NEDD4: variants seen among roughly 807,000 people sequenced by gnomAD.
The protein encoded by NEDD4 is NEDD4 E3 ubiquitin protein ligase.
Under a neutral mutation model 144.9 loss-of-function variants are expected in NEDD4, and 99 were observed. The observed-to-expected ratio is 0.68, with a 90% confidence interval of 0.58 to 0.81. The LOEUF is 0.81. Among genes scored for constraint, NEDD4 ranks in the 30% least tolerant of loss-of-function variants. NEDD4 has a pLI of 0.00. For synonymous variants in NEDD4, 318 were observed against 350.6 expected, an observed-to-expected ratio of 0.91 and a Z score of 1.04; for missense variants, 985 against 1,065.9, an observed-to-expected ratio of 0.92 and a Z score of 1.06.
At chr15:55,919,220 T>C (rs1375643848) in intron 5 of NEDD4, among the ~76,000 whole-genome samples, 2 of 152,136 alleles carry the variant, frequency 1.3e-5, no homozygotes, top group Admixed American at 6.6e-5. Flanking sequence ...AGACACCAGA[T>C]AGAAGTCTGG....
intron 18 of NEDD4, among the ~76,000 whole-genome samples, chr15:55,842,775 G>A (rs1395344912): frequency 6.6e-6 from 1 of 152,196 alleles, no homozygotes; most frequent in Non-Finnish European, 1.5e-5. Context: ...TCTGTGACCT[G>A]TAGGATAGCC....
chr15:55,944,659 C>T (rs1205520544), intron 4 of NEDD4, among the ~76,000 whole-genome samples: 4 of 152,136 alleles, frequency 2.6e-5, no homozygotes, highest in African/African-American at 7.2e-5. Context: ...GGGATTTGAG[C>T]TCTGATAACA....
rs754757704 is a variant in NEDD4, at chr15:55,951,607, A to G, written c.120-18T>C. On this transcript the variant is annotated intron_variant, in intron 2 of 28. Coordinates refer to ENST00000435532, the MANE Select transcript of NEDD4 (RefSeq NM_006154.4). ...AAGGATCACTGTTAAAAAAAAAAAA[A>G]AAAAGAAAGAAAAATTTTAATTATT... 1.1e-3 allele frequency: 1,651 copies of G among 1,458,360 alleles called. 18 individuals carry two copies. In the African/African-American group the frequency reaches 0.021, roughly 19 times the overall value. The allele number at this position is 1,458,360 out of a possible 1,614,324, so 90.3% of individuals were successfully genotyped here. A position where few individuals can be genotyped will look rare whatever the true frequency, so the allele number is the denominator to read the frequency against.
chr15:55,948,466 A>G (rs575856974), intron 4 of NEDD4, among the ~76,000 whole-genome samples: 19 of 152,336 alleles, frequency 1.2e-4, no homozygotes, highest in Non-Finnish European at 1.3e-4. Flanking sequence ...TAAAGTTCAT[A>G]TGGAGCCAAG....
chr15:55,830,053 C>G (rs1482615061), intron 28 of NEDD4, 54 bp from the exon 29 acceptor site: 1 of 1,219,850 alleles, frequency 8.2e-7, no homozygotes, highest in Non-Finnish European at 1.2e-6. Context: ...GCAAGTACCA[C>G]CACAGCAAAC....
Position 55,860,469 on chromosome 15 carries a change from C to A in NEDD4, c.898G>T (p.Glu300Ter). The change falls in exon 11 of 29, where the codon GAA (glutamate) becomes TAA (stop). Residue 300 changes from glutamate (E) to a stop codon, truncating the protein, a stop_gained. Coordinates refer to ENST00000435532, the MANE Select transcript of NEDD4 (RefSeq NM_006154.4). LOFTEE classifies it high-confidence loss of function. The part of the protein sequence containing the change: ...NLDVPTHLAE[E>*]LNARLTIFGN... ...AAAATGGTGAGTCTGGCATTCAATTCTTCTGCAAGATGAGTTGGAACATCC... is the reference window on the plus strand; with the variant it reads ...AAAATGGTGAGTCTGGCATTCAATTATTCTGCAAGATGAGTTGGAACATCC... 5 of 1,614,128 alleles carry A rather than the reference C, an allele frequency of 3.1e-6. No homozygotes were observed. The highest frequency in any genetic ancestry group is 3.4e-6 in the Non-Finnish European group (4 of 1,180,004).
At chr15:55,991,565 A>AT (rs2037989074) in intron 1 of NEDD4, among the ~76,000 whole-genome samples, 1 of 152,236 alleles carries the variant, frequency 6.6e-6, no homozygotes, top group Non-Finnish European at 1.5e-5. Context: ...CTTCATCATC[A>AT]TGTCTCTTAT....
chr15:55,943,551 A>G (rs2037047587), intron 4 of NEDD4, among the ~76,000 whole-genome samples: 1 of 152,152 alleles, frequency 6.6e-6, no homozygotes, highest in Non-Finnish European at 1.5e-5. Context: ...TGGCTTTCAC[A>G]TGGTTTTAAG....
At chr15:55,874,079 T>A in intron 5 of NEDD4, 71 bp from the exon 6 acceptor site, 3 of 823,298 alleles carry the variant, frequency 3.6e-6, no homozygotes, top group Non-Finnish European at 5.8e-6. Context: ...GATGAGATAG[T>A]GCCACCATTC....
intron 1 of NEDD4, among the ~76,000 whole-genome samples, chr15:55,993,279 G>T (rs1218798101): frequency 2.0e-5 from 3 of 152,174 alleles, no homozygotes; most frequent in Admixed American, 1.3e-4. Flanking sequence ...GCCGCTCCGG[G>T]AAGGGGCGGG....
At position 55,972,184 on chromosome 15, in the gene NEDD4, G is replaced by A. The variant is rs993315941; in HGVS notation, c.46-5638C>T. On this transcript the variant is annotated intron_variant, in intron 1 of 28. Coordinates refer to ENST00000435532, the MANE Select transcript of NEDD4 (RefSeq NM_006154.4). Reference sequence around the variant, plus strand: ...ATAAGCGATAAGAAATCATCTGAAGGTACAAAATTCACATGTAAAAGTAAG... The same window carrying A: ...ATAAGCGATAAGAAATCATCTGAAGATACAAAATTCACATGTAAAAGTAAG... Among the ~76,000 whole-genome samples the A allele has an allele frequency of 5.9e-5, 9 of 152,094 alleles. 1 individual carries two copies. In the South Asian group the frequency reaches 1.9e-3, roughly 31 times the overall value.
intron 13 of NEDD4, 121 bp downstream of exon 13, chr15:55,852,300 AAAT>A: frequency 8.4e-7 from 1 of 1,192,496 alleles, no homozygotes; most frequent in African/African-American, 1.6e-5. Context: ...CATCTCAAAA[AAAT>A]AAAAAAAAAA....
chr15:55,978,309 T>C (rs1222036454), intron 1 of NEDD4, among the ~76,000 whole-genome samples: 1 of 152,264 alleles, frequency 6.6e-6, no homozygotes, highest in African/African-American at 2.4e-5. Context: ...AATGCTAAGA[T>C]TAATTGATAA....
chr15:55,955,162 C>T (rs1206626094), intron 2 of NEDD4, among the ~76,000 whole-genome samples: 2 of 152,098 alleles, frequency 1.3e-5, no homozygotes, highest in Non-Finnish European at 2.9e-5. Context: ...GCGGGGACTA[C>T]AGGCGCACAC....
At chr15:55,878,958 G>T (rs2035088667) in intron 5 of NEDD4, among the ~76,000 whole-genome samples, 1 of 152,206 alleles carries the variant, frequency 6.6e-6, no homozygotes, top group African/African-American at 2.4e-5. Flanking sequence ...AAGTAGCTGA[G>T]ATTACAGGCA....
intron 8 of NEDD4, among the ~76,000 whole-genome samples, chr15:55,869,211 A>G (rs2034688661): frequency 6.6e-6 from 1 of 152,224 alleles, no homozygotes. Flanking sequence ...GAATATTAAC[A>G]GGACTTAAAT....
At chr15:55,920,785 C>G (rs2036554235) in intron 5 of NEDD4, among the ~76,000 whole-genome samples, 1 of 152,146 alleles carries the variant, frequency 6.6e-6, no homozygotes, top group South Asian at 2.1e-4. Flanking sequence ...GCTATACAAT[C>G]AGGTCTGTTA....
chr15:55,985,818 A>G (rs1473236505), intron 1 of NEDD4, among the ~76,000 whole-genome samples: 3 of 152,050 alleles, frequency 2.0e-5, no homozygotes, highest in African/African-American at 7.2e-5. Flanking sequence ...GTCCAAGAGT[A>G]TATCCCAGTA....
At chr15:55,883,803 A>G (rs1330340926) in intron 5 of NEDD4, among the ~76,000 whole-genome samples, 1 of 151,948 alleles carries the variant, frequency 6.6e-6, no homozygotes, top group Non-Finnish European at 1.5e-5. Flanking sequence ...GGAGAAAGTA[A>G]GGGAGAAGAA....
Sources: gnomAD v4.1 joint callset for allele counts (sites outside exome capture counted in the v4.1 genomes callset) on GRCh38, gnomAD v4.1.1 for gene constraint, MANE v1.5 for transcripts, NCBI Gene and HGNC (gene_info 2026-07-23, HGNC 2026-07-21) for gene names.